Variants in KANSL1L observed in about 807,000 individuals in gnomAD.
KANSL1L encodes KAT8 regulatory NSL complex subunit 1 like.
A neutral mutation model predicts 108.6 loss-of-function variants in KANSL1L; 25 were observed. The ratio of observed to expected loss-of-function variants is 0.23; its 90% CI spans 0.17 to 0.32. The LOEUF is 0.32. KANSL1L is among the 10% of genes least tolerant of loss of function. The probability of loss-of-function intolerance (pLI) is 1.00; values close to 1 mark genes in which losing one functional copy is unlikely to be tolerated. For synonymous variants in KANSL1L, 405 were observed against 395.1 expected (o/e 1.03, Z -0.30); for missense variants, 1,137 against 1,125.7 (o/e 1.01, Z -0.14).
At chr2:210,154,637 C>T (rs1559611169) in intron 1 of KANSL1L, 26 bp from the exon 2 acceptor site, 16 of 1,352,450 alleles carry the variant, frequency 1.2e-5, no homozygotes, top group Non-Finnish European at 1.5e-5. Context: ...AATAAATGGT[C>T]AAATATCTAG....
intron 6 of KANSL1L, among the ~76,000 whole-genome samples, chr2:210,050,978 C>A (rs1559515431): frequency 6.6e-6 from 1 of 152,098 alleles, no homozygotes; most frequent in Non-Finnish European, 1.5e-5. Flanking sequence ...CTCCTGCGAC[C>A]AGCCCAAAGT....
intron 4 of KANSL1L, 136 bp downstream of exon 4, chr2:210,103,968 T>C (rs980933603): frequency 6.5e-5 from 40 of 611,020 alleles, no homozygotes; most frequent in Non-Finnish European, 1.0e-4. Flanking sequence ...AATATTTTAA[T>C]TGTATTTAAT....
chr2:210,122,512 A>C (rs1299490642), intron 3 of KANSL1L, among the ~76,000 whole-genome samples: 1 of 152,198 alleles, frequency 6.6e-6, no homozygotes, highest in East Asian at 1.9e-4. Context: ...TTCTTGCCAT[A>C]TACAAAAATC....
chr2:210,062,311 C>T (rs1347716326), intron 6 of KANSL1L, among the ~76,000 whole-genome samples: 1 of 152,198 alleles, frequency 6.6e-6, no homozygotes, highest in African/African-American at 2.4e-5. Flanking sequence ...GCATCACCAG[C>T]CACGTGGAAC....
intron 9 of KANSL1L, among the ~76,000 whole-genome samples, chr2:210,030,558 A>C (rs2125136022): frequency 6.9e-6 from 1 of 144,176 alleles, no homozygotes; most frequent in Non-Finnish European, 1.5e-5. Flanking sequence ...TGTGTGTAGT[A>C]AATATATATA....
Position 210,040,419 on chromosome 2 carries a change from C to A in KANSL1L, c.2029+1G>T. On this transcript the variant is annotated splice_donor_variant, in intron 8 of 14. Coordinates refer to ENST00000281772, the MANE Select transcript of KANSL1L (RefSeq NM_152519.4). LOFTEE classifies it high-confidence loss of function. ...GTACAAGAACTGTAAATGTGACATA[C>A]CAGGTGATGGAGATATGATATATTC... is the stretch of plus-strand genomic sequence containing the variant. 1 of 1,306,580 alleles carries A rather than the reference C, an allele frequency of 7.7e-7. No homozygotes were observed. Among genetic ancestry groups the A allele is most frequent in the Non-Finnish European group, 1.1e-6 (1 of 902,512 alleles). 80.9% of individuals were successfully genotyped at this position (1,306,580 alleles called of 1,614,324 possible).
intron 6 of KANSL1L, among the ~76,000 whole-genome samples, chr2:210,071,914 GT>G (rs917051384): frequency 5.1e-4 from 77 of 152,274 alleles, no homozygotes; most frequent in African/African-American, 1.8e-3. Flanking sequence ...CAGAAGGGAA[GT>G]TTATTTATTA....
chr2:210,161,203 G>C (rs1207920619), intron 1 of KANSL1L, among the ~76,000 whole-genome samples: 4 of 152,022 alleles, frequency 2.6e-5, no homozygotes, highest in Non-Finnish European at 4.4e-5. Context: ...GGCCAGGCTG[G>C]TCTTAAACTC....
chr2:210,164,861 T>G (rs148995250), intron 1 of KANSL1L, among the ~76,000 whole-genome samples: 350 of 148,540 alleles, frequency 2.4e-3, no homozygotes, highest in African/African-American at 8.1e-3. Context: ...TTCTGTTTTT[T>G]TTTTTTTGTT....
intron 3 of KANSL1L, among the ~76,000 whole-genome samples, chr2:210,124,225 G>T (rs2095046198): frequency 6.6e-6 from 1 of 151,854 alleles, no homozygotes; most frequent in Admixed American, 6.6e-5. Context: ...AGTGTACATG[G>T]AGCATTTTCC....
At chr2:210,066,366 GT>G (rs1265897218) in intron 6 of KANSL1L, among the ~76,000 whole-genome samples, 1 of 152,194 alleles carries the variant, frequency 6.6e-6, no homozygotes, top group East Asian at 1.9e-4. Flanking sequence ...ATAGAAAATG[GT>G]TTTAAATCAC....
At chr2:210,049,258 T>A (rs1313036334) in intron 6 of KANSL1L, among the ~76,000 whole-genome samples, 3 of 152,216 alleles carry the variant, frequency 2.0e-5, no homozygotes, top group Non-Finnish European at 4.4e-5. Flanking sequence ...CTTATTTCTC[T>A]GGATTCTTAG....
At chr2:210,148,299 G>T (rs1384522135) in intron 2 of KANSL1L, among the ~76,000 whole-genome samples, 2 of 152,102 alleles carry the variant, frequency 1.3e-5, no homozygotes, top group African/African-American at 2.4e-5. Flanking sequence ...ATGCAGCCTG[G>T]AAAAATGTAA....
intron 6 of KANSL1L, among the ~76,000 whole-genome samples, chr2:210,062,308 C>T (rs944721541): frequency 2.6e-5 from 4 of 152,222 alleles, no homozygotes; most frequent in Admixed American, 2.0e-4. Context: ...GAGGCATCAC[C>T]AGCCACGTGG....
intron 1 of KANSL1L, among the ~76,000 whole-genome samples, chr2:210,157,899 T>C (rs890905883): frequency 5.5e-5 from 6 of 109,748 alleles, no homozygotes; most frequent in Non-Finnish European, 1.1e-4. Context: ...AGCAAGACCC[T>C]GTCAAAAAAA....
chr2:210,055,329 C>T (rs1054659587), intron 6 of KANSL1L, among the ~76,000 whole-genome samples: 10 of 152,216 alleles, frequency 6.6e-5, no homozygotes, highest in African/African-American at 2.4e-4. Flanking sequence ...TATGTCCTTA[C>T]AGCAGTGTGA....
At chr2:210,114,636 A>T (rs534109888) in intron 3 of KANSL1L, among the ~76,000 whole-genome samples, 2 of 152,194 alleles carry the variant, frequency 1.3e-5, no homozygotes, top group Non-Finnish European at 2.9e-5. Flanking sequence ...ACATTAAAAA[A>T]ATATAATAGA....
At chr2:210,052,323 C>A (rs1195906238) in intron 6 of KANSL1L, among the ~76,000 whole-genome samples, 1 of 152,036 alleles carries the variant, frequency 6.6e-6, no homozygotes, top group African/African-American at 2.4e-5. Context: ...TTTCTAAAGG[C>A]ACTTTTTTTT....
intron 4 of KANSL1L, 36 bp downstream of exon 4, chr2:210,104,068 C>T (rs376475776): frequency 1.4e-5 from 21 of 1,498,422 alleles, no homozygotes; most frequent in African/African-American, 5.5e-5. Flanking sequence ...AATGAAAAGT[C>T]ATTTCATACC....
Sources: allele counts gnomAD v4.1 joint callset (sites outside exome capture counted in the v4.1 genomes callset), GRCh38; gene constraint gnomAD v4.1.1; transcripts MANE v1.5; gene names NCBI Gene and HGNC (gene_info 2026-07-23, HGNC 2026-07-21).